FOXJ3: variants seen among roughly 807,000 people sequenced by gnomAD.
FOXJ3 encodes forkhead box J3.
FOXJ3 carries 22 observed loss-of-function variants against 76.1 expected under a neutral mutation model. The ratio of observed to expected loss-of-function variants is 0.29; its 90% CI spans 0.21 to 0.41. The LOEUF is 0.41. FOXJ3 is among the 10% of genes least tolerant of loss of function. FOXJ3 has a pLI of 1.00. For synonymous variants in FOXJ3, 269 were observed against 261.2 expected, an observed-to-expected ratio of 1.03 and a Z score of -0.29; for missense variants, 613 against 762.1, an observed-to-expected ratio of 0.80 and a Z score of 2.30.
chr1:42,294,762 C>CAAAAAAAAAAAAA (rs5773766), intron 2 of FOXJ3, among the ~76,000 whole-genome samples: 11 of 105,650 alleles, frequency 1.0e-4, no homozygotes, highest in African/African-American at 1.5e-4. Flanking sequence ...AACTTGGTCT[C>CAAAAAAAAAAAAA]AAAAAAAAAA....
At chr1:42,225,324 C>A (rs1464317400) in intron 5 of FOXJ3, among the ~76,000 whole-genome samples, 3 of 151,990 alleles carry the variant, frequency 2.0e-5, no homozygotes, top group Non-Finnish European at 4.4e-5. Context: ...TCACTATTTG[C>A]CCTAGGCATT....
At chr1:42,334,551 G>A (rs1656353179) in intron 1 of FOXJ3, among the ~76,000 whole-genome samples, 1 of 152,180 alleles carries the variant, frequency 6.6e-6, no homozygotes, top group African/African-American at 2.4e-5. Context: ...GGGAACGCAA[G>A]CACCCTCGCA....
intron 6 of FOXJ3, among the ~76,000 whole-genome samples, chr1:42,205,268 T>C (rs1295352688): frequency 1.3e-5 from 2 of 152,190 alleles, no homozygotes; most frequent in African/African-American, 2.4e-5. Flanking sequence ...ACCATCAAAA[T>C]GTAGCAAACA....
At chr1:42,301,092 T>C (rs1007596519) in intron 2 of FOXJ3, among the ~76,000 whole-genome samples, 3 of 152,218 alleles carry the variant, frequency 2.0e-5, no homozygotes, top group African/African-American at 7.2e-5. Context: ...CCCTAATTAC[T>C]TCCTGAAATA....
intron 6 of FOXJ3, among the ~76,000 whole-genome samples, chr1:42,205,547 C>T (rs967575281): frequency 6.6e-6 from 1 of 152,110 alleles, no homozygotes; most frequent in African/African-American, 2.4e-5. Flanking sequence ...TAGAACTTCT[C>T]GGTAAGGACC....
At chr1:42,271,067 T>A (rs1200997235) in intron 3 of FOXJ3, among the ~76,000 whole-genome samples, 1 of 152,134 alleles carries the variant, frequency 6.6e-6, no homozygotes, top group Non-Finnish European at 1.5e-5. Context: ...TCCTAGGGGT[T>A]TTTTGGAGAT....
intron 3 of FOXJ3, among the ~76,000 whole-genome samples, chr1:42,268,596 T>C (rs528358329): frequency 6.6e-6 from 1 of 152,206 alleles, no homozygotes; most frequent in East Asian, 1.9e-4. Context: ...GCAAATATAA[T>C]TTATTACGGA....
chr1:42,241,108 A>G (rs1388114843), intron 4 of FOXJ3, among the ~76,000 whole-genome samples: 1 of 152,208 alleles, frequency 6.6e-6, no homozygotes, highest in Non-Finnish European at 1.5e-5. Context: ...GGAAAAGGAT[A>G]AGTGAGTGAT....
At chr1:42,211,383 C>T (rs1442314275) in intron 5 of FOXJ3, among the ~76,000 whole-genome samples, 1 of 152,090 alleles carries the variant, frequency 6.6e-6, no homozygotes, top group Admixed American at 6.5e-5. Flanking sequence ...ATAGCTGGAA[C>T]ATCTGGTCAG....
chr1:42,247,939 C>G (rs904974518), intron 4 of FOXJ3, among the ~76,000 whole-genome samples: 2 of 152,164 alleles, frequency 1.3e-5, no homozygotes, highest in South Asian at 4.1e-4. Flanking sequence ...GAATGAAGTA[C>G]TATTACATGC....
At chr1:42,276,081 C>T (rs773840405) in intron 3 of FOXJ3, among the ~76,000 whole-genome samples, 5 of 152,134 alleles carry the variant, frequency 3.3e-5, no homozygotes, top group Admixed American at 6.5e-5. Context: ...ATTGGCCAGG[C>T]ACAGTGGCTC....
intron 9 of FOXJ3, 111 bp from the exon 10 acceptor site, chr1:42,189,515 T>C (rs1646500799): frequency 6.9e-6 from 5 of 726,594 alleles, no homozygotes; most frequent in South Asian, 6.5e-5. Context: ...TTGTCCCGTC[T>C]TACAAGGGGA....
chr1:42,271,080 A>G (rs1429442954), intron 3 of FOXJ3, among the ~76,000 whole-genome samples: 1 of 152,132 alleles, frequency 6.6e-6, no homozygotes, highest in Non-Finnish European at 1.5e-5. Flanking sequence ...TTGGAGATAG[A>G]GACTGCCTCT....
intron 5 of FOXJ3, among the ~76,000 whole-genome samples, chr1:42,208,271 G>T (rs1466170587): frequency 6.6e-6 from 1 of 152,106 alleles, no homozygotes; most frequent in Non-Finnish European, 1.5e-5. Context: ...CTGATACAAA[G>T]AAATACTCAT....
At chr1:42,298,831 G>A (rs900107600) in intron 2 of FOXJ3, among the ~76,000 whole-genome samples, 6 of 152,116 alleles carry the variant, frequency 3.9e-5, no homozygotes, top group African/African-American at 1.4e-4. Context: ...AGAGGTTTTA[G>A]TATGCTGTGT....
chr1:42,195,165 C>A, intron 7 of FOXJ3, 101 bp from the exon 8 acceptor site: 5 of 873,578 alleles, frequency 5.7e-6, no homozygotes, highest in African/African-American at 1.8e-5. Context: ...CATTGGAATT[C>A]AAAGAAAATA....
intron 1 of FOXJ3, among the ~76,000 whole-genome samples, chr1:42,319,374 T>C (rs373344291): frequency 4.6e-5 from 7 of 152,242 alleles, no homozygotes; most frequent in Non-Finnish European, 7.3e-5. Flanking sequence ...AACAACATTA[T>C]GCTAAGTGAA....
intron 9 of FOXJ3, among the ~76,000 whole-genome samples, chr1:42,190,078 T>C (rs1037550766): frequency 2.0e-5 from 3 of 152,206 alleles, no homozygotes; most frequent in African/African-American, 7.2e-5. Context: ...TAGTCAGAAA[T>C]GGTATCCTCT....
At chr1:42,330,518 G>A (rs774862177) in intron 1 of FOXJ3, among the ~76,000 whole-genome samples, 6 of 152,178 alleles carry the variant, frequency 3.9e-5, no homozygotes, top group African/African-American at 1.2e-4. Context: ...CGCACCTGTA[G>A]TCCCAGCTAC....
Sources: gnomAD v4.1 joint callset for allele counts (sites outside exome capture counted in the v4.1 genomes callset) on GRCh38, gnomAD v4.1.1 for gene constraint, MANE v1.5 for transcripts, NCBI Gene and HGNC (gene_info 2026-07-23, HGNC 2026-07-21) for gene names.